The following ROBO2 variants were observed in gnomAD, a reference collection of about 807,000 sequenced individuals.
The protein encoded by ROBO2 is roundabout homolog 2.
A neutral mutation model predicts 160.8 loss-of-function variants in ROBO2; 53 were observed. The observed-to-expected ratio is 0.33, with a 90% CI of 0.26 to 0.41. ROBO2 has a LOEUF of 0.41. Among genes scored for constraint, ROBO2 ranks in the 10% least tolerant of loss-of-function variants. The pLI is 1.00. For missense variants in ROBO2, 1,577 were observed against 1,722.4 expected (o/e 0.92, Z 1.49); for synonymous variants, 664 against 611.7 (o/e 1.09, Z -1.26).
intron 2 of ROBO2, among the ~76,000 whole-genome samples, chr3:76,847,195 AG>A (rs1410045829): frequency 2.6e-5 from 4 of 152,178 alleles, no homozygotes; most frequent in African/African-American, 9.7e-5. Context: ...TTTCAGAAGT[AG>A]GAAAAAAGTG....
At position 76,336,391 on chromosome 3, in the gene ROBO2, T is replaced by C. The variant is rs545657832; in HGVS notation, c.109+398789T>C. On this transcript the variant is annotated intron_variant, in intron 2 of 26. Coordinates refer to the ROBO2 transcript ENST00000487694. ...TGATTCTGTGCCCAGCTAAATGTTA[T>C]CACTATAAAGGAATAAGAAAATGGG... Among the ~76,000 whole-genome samples the C allele has an allele frequency of 4.6e-5, 7 of 152,300 alleles. No individual in the cohort carries two copies. The South Asian group carries it at 1.4e-3, about 32-fold the overall frequency.
intron 2 of ROBO2, among the ~76,000 whole-genome samples, chr3:76,645,940 A>T (rs1474754646): frequency 6.6e-6 from 1 of 152,182 alleles, no homozygotes; most frequent in Non-Finnish European, 1.5e-5. Flanking sequence ...AAAAAAAGAC[A>T]CTGTGTCTTG....
intron 1 of ROBO2, among the ~76,000 whole-genome samples, chr3:77,046,018 T>C (rs1003373927): frequency 1.3e-5 from 2 of 152,234 alleles, no homozygotes; most frequent in Non-Finnish European, 2.9e-5. Context: ...TTGATGAACA[T>C]TTAAGTTATT....
intron 24 of ROBO2, among the ~76,000 whole-genome samples, chr3:77,637,908 T>G (rs1344281079): frequency 6.6e-6 from 1 of 152,200 alleles, no homozygotes; most frequent in Non-Finnish European, 1.5e-5. Context: ...ATTGCTTATC[T>G]TTCTAAAAAA....
At chr3:77,641,860 G>T (rs1382474647) in intron 24 of ROBO2, among the ~76,000 whole-genome samples, 2 of 152,014 alleles carry the variant, frequency 1.3e-5, no homozygotes, top group African/African-American at 4.8e-5. Flanking sequence ...AGATGAAAAG[G>T]GAGTTGATAT....
intron 2 of ROBO2, among the ~76,000 whole-genome samples, chr3:76,367,557 A>T (rs2075884808): frequency 6.6e-6 from 1 of 151,938 alleles, no homozygotes; most frequent in Admixed American, 6.6e-5. Flanking sequence ...GCTCACACTC[A>T]ATGTTATTTA....
At chr3:77,169,738 CTTTT>C (rs138132300) in intron 2 of ROBO2, among the ~76,000 whole-genome samples, 1 of 151,916 alleles carries the variant, frequency 6.6e-6, no homozygotes, top group Non-Finnish European at 1.5e-5. Flanking sequence ...CTTTTCCTTT[CTTTT>C]TTTATTTTTT....
At chr3:76,864,435 AATC>A (rs2071138438) in intron 2 of ROBO2, among the ~76,000 whole-genome samples, 2 of 152,056 alleles carry the variant, frequency 1.3e-5, no homozygotes, top group Admixed American at 6.6e-5. Flanking sequence ...TCACAGAACT[AATC>A]ATGAGAATCC....
intron 2 of ROBO2, among the ~76,000 whole-genome samples, chr3:77,350,981 G>T (rs190526458): frequency 1.4e-4 from 22 of 152,302 alleles, no homozygotes; most frequent in Non-Finnish European, 2.9e-4. Context: ...TTGCATGTAT[G>T]CATTTCTATA....
chr3:76,011,960 C>A (rs944246369), intron 2 of ROBO2, among the ~76,000 whole-genome samples: 21 of 152,210 alleles, frequency 1.4e-4, no homozygotes, highest in Admixed American at 6.5e-5. Context: ...CTCACCAGTT[C>A]TCTTCTGAGG....
At chr3:76,064,588 A>G (rs1576701579) in intron 2 of ROBO2, among the ~76,000 whole-genome samples, 1 of 152,200 alleles carries the variant, frequency 6.6e-6, no homozygotes, top group East Asian at 1.9e-4. Context: ...ACAATCCTTA[A>G]AAAGAAAGAT....
intron 2 of ROBO2, among the ~76,000 whole-genome samples, chr3:77,399,182 G>A (rs1200348523): frequency 6.6e-6 from 1 of 152,082 alleles, no homozygotes. Flanking sequence ...TTCTAGAAAG[G>A]CACTTAAAAC....
At chr3:76,088,769 A>C (rs2069114918) in intron 2 of ROBO2, among the ~76,000 whole-genome samples, 2 of 152,224 alleles carry the variant, frequency 1.3e-5, no homozygotes, top group South Asian at 4.1e-4. Flanking sequence ...GAAAAGAAGA[A>C]AGAACAAACA....
At chr3:77,383,365 A>AT (rs1402351299) in intron 2 of ROBO2, among the ~76,000 whole-genome samples, 1 of 152,148 alleles carries the variant, frequency 6.6e-6, no homozygotes, top group Non-Finnish European at 1.5e-5. Flanking sequence ...AGAGAAAGAT[A>AT]TATAAGTAAC....
At chr3:76,395,092 C>A (rs1342820925) in intron 2 of ROBO2, among the ~76,000 whole-genome samples, 1 of 152,048 alleles carries the variant, frequency 6.6e-6, no homozygotes, top group Non-Finnish European at 1.5e-5. Context: ...CACTCCTCAG[C>A]AAATGTAAAA....
At chr3:76,914,346 T>C (rs898196916) in intron 2 of ROBO2, among the ~76,000 whole-genome samples, 8 of 152,208 alleles carry the variant, frequency 5.3e-5, no homozygotes, top group African/African-American at 1.9e-4. Flanking sequence ...ACTAAACTTT[T>C]AGAATTAAAA....
At chr3:76,743,805 T>G (rs1196457902) in intron 2 of ROBO2, among the ~76,000 whole-genome samples, 1 of 151,838 alleles carries the variant, frequency 6.6e-6, no homozygotes, top group Admixed American at 6.6e-5. Flanking sequence ...TTAATATAAT[T>G]AATTAAAATG....
intron 1 of ROBO2, among the ~76,000 whole-genome samples, chr3:77,041,431 G>A (rs766360052): frequency 6.6e-6 from 1 of 152,216 alleles, no homozygotes; most frequent in Non-Finnish European, 1.5e-5. Flanking sequence ...CATCAGCTAT[G>A]GGCTGGCCAC....
At chr3:76,030,748 C>T (rs1027310332) in intron 2 of ROBO2, among the ~76,000 whole-genome samples, 1 of 152,096 alleles carries the variant, frequency 6.6e-6, no homozygotes, top group African/African-American at 2.4e-5. Flanking sequence ...GTACCAGTAC[C>T]ATGCTGTTTT....
Sources: allele counts gnomAD v4.1 joint callset (sites outside exome capture counted in the v4.1 genomes callset), GRCh38; gene constraint gnomAD v4.1.1; transcripts MANE v1.5; gene names NCBI Gene and HGNC (gene_info 2026-07-23, HGNC 2026-07-21).